The following SELENOF variants were observed in gnomAD, a reference collection of about 807,000 sequenced individuals.
SELENOF encodes the protein 15 kDa selenoprotein.
SELENOF carries 16 observed loss-of-function variants against 20.5 expected under a neutral mutation model. That is an observed-to-expected ratio of 0.78 (90% confidence interval 0.53 to 1.19). The LOEUF (loss-of-function observed/expected upper bound fraction) is 1.19. SELENOF is among the 50% of genes most tolerant of loss of function. The pLI is 0.00. For synonymous variants in SELENOF, 78 were observed against 74.5 expected (o/e 1.05, Z -0.24); for missense variants, 215 against 194.2 (o/e 1.11, Z -0.64).
intron 2 of SELENOF, among the ~76,000 whole-genome samples, chr1:86,895,416 T>C (rs562939054): frequency 6.6e-6 from 1 of 152,236 alleles, no homozygotes; most frequent in African/African-American, 2.4e-5. Flanking sequence ...AGCAAGTATT[T>C]ACCTACTACT....
intron 4 of SELENOF, among the ~76,000 whole-genome samples, chr1:86,864,925 C>T (rs1192524169): frequency 1.3e-5 from 2 of 151,866 alleles, no homozygotes; most frequent in Non-Finnish European, 1.5e-5. Context: ...TGGGAGCCAC[C>T]GCACCCAGCC....
At chr1:86,866,841 T>C (rs930585601) in intron 4 of SELENOF, among the ~76,000 whole-genome samples, 9 of 152,236 alleles carry the variant, frequency 5.9e-5, no homozygotes, top group African/African-American at 2.2e-4. Context: ...ATAGGACCTC[T>C]TAATCACTGC....
At position 86,863,483 on chromosome 1, in the gene SELENOF, T is replaced by C. The variant is rs756527428; in HGVS notation, c.489A>G (p.Glu163=). Residue 163 remains glutamate (E), a synonymous_variant, in exon 5 of 5, where the codon GAA becomes GAG. Transcript: ENST00000331835. ...SVEEFLSEKL[E]RI ...AAAATTTAAGCAAGATTTATATGCG[T>C]TCCAACTTTTCACTCAGGAATTCTT... The C allele has an allele frequency of 6.2e-6, 10 of 1,611,982 alleles. No homozygotes were observed. In the African/African-American group the frequency reaches 8.0e-5, roughly 13 times the overall value.
chr1:86,883,533 T>C (rs1425451548), intron 2 of SELENOF, among the ~76,000 whole-genome samples: 1 of 152,174 alleles, frequency 6.6e-6, no homozygotes, highest in Non-Finnish European at 1.5e-5. Flanking sequence ...TAGTGTATAG[T>C]TAAAATAGTG....
chr1:86,864,493 G>A (rs1476627500), intron 4 of SELENOF, among the ~76,000 whole-genome samples: 6 of 152,172 alleles, frequency 3.9e-5, no homozygotes, highest in Non-Finnish European at 5.9e-5. Context: ...GTATTCTGGG[G>A]TTGTGAACTC....
intron 3 of SELENOF, 68 bp from the exon 4 acceptor site, chr1:86,868,170 TA>T: frequency 2.6e-6 from 2 of 756,354 alleles, no homozygotes; most frequent in South Asian, 1.8e-5. Context: ...AAGATTAATA[TA>T]AAAGTGGAAA....
At chr1:86,908,052 T>G (rs1390559070) in intron 1 of SELENOF, among the ~76,000 whole-genome samples, 1 of 152,184 alleles carries the variant, frequency 6.6e-6, no homozygotes, top group Non-Finnish European at 1.5e-5. Context: ...ACTCACTGTT[T>G]TATTTTTCCA....
At chr1:86,895,422 C>G (rs1001636483) in intron 2 of SELENOF, among the ~76,000 whole-genome samples, 4 of 152,206 alleles carry the variant, frequency 2.6e-5, no homozygotes, top group Admixed American at 6.5e-5. Context: ...TATTTACCTA[C>G]TACTTGTTAT....
At chr1:86,888,955 G>A (rs777209392) in intron 2 of SELENOF, among the ~76,000 whole-genome samples, 13 of 152,130 alleles carry the variant, frequency 8.5e-5, no homozygotes, top group Non-Finnish European at 1.6e-4. Flanking sequence ...TCATCTTTAA[G>A]AAAGATTATA....
intron 2 of SELENOF, among the ~76,000 whole-genome samples, chr1:86,881,197 T>A (rs1659059283): frequency 8.5e-6 from 1 of 117,620 alleles, no homozygotes; most frequent in East Asian, 2.0e-4. Flanking sequence ...TAGAAAGTAC[T>A]ATGTGGAGAT....
chr1:86,865,656 T>C (rs1454501005), intron 4 of SELENOF, among the ~76,000 whole-genome samples: 2 of 152,214 alleles, frequency 1.3e-5, no homozygotes, highest in Non-Finnish European at 2.9e-5. Context: ...ATTGGAACAC[T>C]TGTGCCCTGT....
intron 2 of SELENOF, among the ~76,000 whole-genome samples, chr1:86,897,785 T>C (rs1055392724): frequency 6.6e-6 from 1 of 152,196 alleles, no homozygotes; most frequent in Admixed American, 6.5e-5. Context: ...AGACAAAGAA[T>C]ATGCCAAAGC....
At chr1:86,873,044 A>AAAATAAATAAATAAATAAAT (rs71582985) in intron 3 of SELENOF, among the ~76,000 whole-genome samples, 4 of 141,716 alleles carry the variant, frequency 2.8e-5, no homozygotes, top group South Asian at 2.3e-4. Context: ...GACTCCGTCT[A>AAAATAAATAAATAAATAAAT]AAATAAATAA....
chr1:86,863,520 G>A lies in SELENOF; in HGVS notation c.452C>T (p.Thr151Ile). 1 of 1,613,584 alleles carries A rather than the reference G, an allele frequency of 6.2e-7. No individual in the cohort carries two copies. The highest frequency in any genetic ancestry group is 8.5e-7 in the Non-Finnish European group (1 of 1,179,612). The change falls in exon 5 of 5, where the codon ACA becomes ATA. Residue 151 changes from threonine to isoleucine, a missense_variant. By Grantham distance (89) the Thr-to-Ile change is moderately conservative. Coordinates refer to ENST00000331835, the MANE Select transcript of SELENOF (RefSeq NM_004261.5). Reference sequence around the variant, plus strand: ...ACTCAGGAATTCTTCTACACTGTCTGTGTTCCATTTGAGAATGCTCAGTTC... The same window carrying A: ...ACTCAGGAATTCTTCTACACTGTCTATGTTCCATTTGAGAATGCTCAGTTC... ...AEELSILKWNTDSVEEFLSEK... is the reference protein window; with the variant it reads ...AEELSILKWNIDSVEEFLSEK...
At chr1:86,873,110 A>G (rs1304318830) in intron 3 of SELENOF, among the ~76,000 whole-genome samples, 1 of 151,510 alleles carries the variant, frequency 6.6e-6, no homozygotes, top group African/African-American at 2.4e-5. Flanking sequence ...AAAATAAATT[A>G]TCCAGGCACG....
intron 3 of SELENOF, among the ~76,000 whole-genome samples, chr1:86,876,767 C>G (rs1397308843): frequency 6.6e-6 from 1 of 152,084 alleles, no homozygotes; most frequent in Non-Finnish European, 1.5e-5. Context: ...GATGCCAGAA[C>G]AGAAGAGAAA....
intron 1 of SELENOF, among the ~76,000 whole-genome samples, chr1:86,903,689 G>T (rs1475906952): frequency 1.3e-5 from 2 of 152,278 alleles, no homozygotes; most frequent in Admixed American, 1.3e-4. Context: ...CTGCCACCTG[G>T]GTTCAAGTGA....
rs774569949 is a variant in SELENOF at position 86,863,469 on chromosome 1, A to G, written c.*5T>C. ...CAAAAGGATAGGACAAAATTTAAGC[A>G]AGATTTATATGCGTTCCAACTTTTC... On this transcript the variant is annotated 3_prime_UTR_variant, in exon 5 of 5. Transcript: ENST00000331835. 3.7e-5 allele frequency: 60 copies of G among 1,607,562 alleles called. No individual in the cohort carries two copies. The highest frequency in any genetic ancestry group is 4.8e-5 in the Non-Finnish European group (57 of 1,177,694).
chr1:86,901,301 C>T (rs1310805522), intron 2 of SELENOF, among the ~76,000 whole-genome samples: 3 of 152,004 alleles, frequency 2.0e-5, no homozygotes, highest in African/African-American at 7.3e-5. Context: ...AAATCTAGCA[C>T]TATTTCTATA....
Sources: gnomAD v4.1 joint callset for allele counts (sites outside exome capture counted in the v4.1 genomes callset) on GRCh38, gnomAD v4.1.1 for gene constraint, MANE v1.5 for transcripts, NCBI Gene and HGNC (gene_info 2026-07-23, HGNC 2026-07-21) for gene names.